The following METTL15 variants were observed in gnomAD, a reference collection of about 807,000 sequenced individuals.
METTL15 encodes the protein methyltransferase 15, mitochondrial 12S rRNA N4-cytidine.
Under a neutral mutation model 38.3 loss-of-function variants are expected in METTL15, and 34 were observed. That is an observed-to-expected ratio of 0.89 (90% CI 0.68 to 1.18). The LOEUF (loss-of-function observed/expected upper bound fraction) is 1.18. METTL15 is among the 50% of genes most tolerant of loss of function. The pLI is 0.00. For missense variants in METTL15, 438 were observed against 498.4 expected (o/e 0.88, Z 1.15); for synonymous variants, 162 against 170.9 (o/e 0.95, Z 0.41).
intron 6 of METTL15, among the ~76,000 whole-genome samples, chr11:28,442,007 T>C (rs1427005844): frequency 6.6e-6 from 1 of 152,144 alleles, no homozygotes; most frequent in African/African-American, 2.4e-5. Flanking sequence ...GAAGAAGAGA[T>C]TTAAATTGTG....
At chr11:28,123,888 A>G (rs775310138) in intron 3 of METTL15, 2 of 1,472,812 alleles carry the variant, frequency 1.4e-6, no homozygotes, top group Non-Finnish European at 9.1e-7. Flanking sequence ...TGGATATTTA[A>G]TATATTCATA....
intron 4 of METTL15, among the ~76,000 whole-genome samples, chr11:28,222,953 A>T (rs1007932185): frequency 2.0e-5 from 3 of 152,186 alleles, no homozygotes; most frequent in Non-Finnish European, 4.4e-5. Flanking sequence ...AGATGCTCCA[A>T]TTCAGTAGCA....
intron 4 of METTL15, among the ~76,000 whole-genome samples, chr11:28,265,231 A>T (rs1484968541): frequency 6.6e-6 from 1 of 151,440 alleles, no homozygotes; most frequent in Non-Finnish European, 1.5e-5. Flanking sequence ...GGGAGACTTG[A>T]TCCTCATTCC....
chr11:28,350,855 T>G (rs1462250368), intron 3 of METTL15, among the ~76,000 whole-genome samples: 1 of 152,204 alleles, frequency 6.6e-6, no homozygotes, highest in Admixed American at 6.5e-5. Context: ...GAAGCAGAAA[T>G]GACAAACTCC....
downstream of METTL15, among the ~76,000 whole-genome samples, chr11:28,528,788 TG>T (rs1476813709): frequency 1.3e-5 from 2 of 152,226 alleles, no homozygotes; most frequent in African/African-American, 4.8e-5. Flanking sequence ...CATTCTATGT[TG>T]GCTTAACTGA....
At chr11:28,265,445 G>A (rs910515255) in intron 4 of METTL15, among the ~76,000 whole-genome samples, 4 of 151,932 alleles carry the variant, frequency 2.6e-5, no homozygotes, top group Non-Finnish European at 4.4e-5. Flanking sequence ...GAAATTGTCA[G>A]TCCTTAGGCC....
At chr11:28,314,270 G>A (rs1217822585) in intron 6 of METTL15, among the ~76,000 whole-genome samples, 1 of 152,166 alleles carries the variant, frequency 6.6e-6, no homozygotes, top group Non-Finnish European at 1.5e-5. Flanking sequence ...AAGAACATTT[G>A]TAATACAGTT....
At chr11:28,394,529 A>G (rs1850548566) in intron 5 of METTL15, among the ~76,000 whole-genome samples, 1 of 152,084 alleles carries the variant, frequency 6.6e-6, no homozygotes, top group Non-Finnish European at 1.5e-5. Flanking sequence ...GAGGTGGCAG[A>G]GAATGAAAGT....
At chr11:28,263,431 A>G (rs531327106) in intron 4 of METTL15, among the ~76,000 whole-genome samples, 13 of 152,218 alleles carry the variant, frequency 8.5e-5, no homozygotes, top group Middle Eastern at 3.4e-3. Context: ...CAGAGAGAAA[A>G]TCGGTTAAAT....
chr11:28,484,814 C>T (rs1564944449), intron 6 of METTL15, among the ~76,000 whole-genome samples: 1 of 151,974 alleles, frequency 6.6e-6, no homozygotes, highest in African/African-American at 2.4e-5. Context: ...ACATCAACTA[C>T]GATTTCCTGA....
chr11:28,150,253 C>A (rs982730308), intron 3 of METTL15, among the ~76,000 whole-genome samples: 1 of 151,790 alleles, frequency 6.6e-6, no homozygotes, highest in Non-Finnish European at 1.5e-5. Flanking sequence ...TAGTATTGAT[C>A]TTTTTTCATT....
intron 3 of METTL15, among the ~76,000 whole-genome samples, chr11:28,164,572 T>A (rs1850588860): frequency 6.6e-6 from 1 of 152,094 alleles, no homozygotes; most frequent in Non-Finnish European, 1.5e-5. Flanking sequence ...TAATAATATA[T>A]ATTTATGGAG....
chr11:28,484,655 C>T (rs961875703), intron 6 of METTL15, among the ~76,000 whole-genome samples: 3 of 152,116 alleles, frequency 2.0e-5, no homozygotes, highest in Non-Finnish European at 4.4e-5. Flanking sequence ...GGTTTCAAAA[C>T]ATCCTAGGTG....
At chr11:28,289,551 T>C (rs1448843226) in intron 4 of METTL15, among the ~76,000 whole-genome samples, 2 of 152,110 alleles carry the variant, frequency 1.3e-5, no homozygotes, top group Non-Finnish European at 2.9e-5. Flanking sequence ...TCTCACTTTG[T>C]GTAGGAAGAA....
At chr11:28,278,644 C>T (rs1463371039) in intron 4 of METTL15, among the ~76,000 whole-genome samples, 2 of 152,144 alleles carry the variant, frequency 1.3e-5, no homozygotes, top group Non-Finnish European at 2.9e-5. Flanking sequence ...ATTACAAAAG[C>T]TCTCTTCAGT....
intron 3 of METTL15, among the ~76,000 whole-genome samples, chr11:28,182,935 G>C (rs1590120846): frequency 6.6e-6 from 1 of 152,052 alleles, no homozygotes; most frequent in Admixed American, 6.6e-5. Flanking sequence ...GTTTCCTTGA[G>C]CAGTGGTTTG....
chr11:28,390,998 A>G (rs541260564), intron 5 of METTL15, among the ~76,000 whole-genome samples: 56 of 152,216 alleles, frequency 3.7e-4, no homozygotes, highest in Admixed American at 2.7e-3. Flanking sequence ...GCAATTGTGA[A>G]TGGGAGTTCA....
chr11:28,310,060 A>G (rs1038711219), intron 6 of METTL15, among the ~76,000 whole-genome samples: 5 of 152,078 alleles, frequency 3.3e-5, no homozygotes, highest in Admixed American at 6.6e-5. Flanking sequence ...CCCATCAACT[A>G]CTGACACCTG....
chr11:28,501,363 C>T (rs1197276126), intron 6 of METTL15, among the ~76,000 whole-genome samples: 1 of 152,150 alleles, frequency 6.6e-6, no homozygotes, highest in African/African-American at 2.4e-5. Context: ...CGAAACATGG[C>T]ATCCCAGTAT....
Sources: allele counts gnomAD v4.1 joint callset (sites outside exome capture counted in the v4.1 genomes callset), GRCh38; gene constraint gnomAD v4.1.1; transcripts MANE v1.5; gene names NCBI Gene and HGNC (gene_info 2026-07-23, HGNC 2026-07-21).